Variants in FAM163A observed in about 807,000 individuals in gnomAD.
FAM163A encodes protein FAM163A.
In FAM163A, 7 loss-of-function variants were observed where a neutral mutation model predicts 12.0. The observed-to-expected ratio is 0.58, with a 90% CI of 0.33 to 1.10. The LOEUF (loss-of-function observed/expected upper bound fraction) is 1.10, where lower values mean the gene tolerates loss of function less well. Ranked by LOEUF, FAM163A falls within the 50% of genes least tolerant of loss-of-function variation. The pLI, the probability that FAM163A is intolerant of heterozygous loss-of-function variation, is 0.03. For synonymous variants in FAM163A, 101 were observed against 91.0 expected (o/e 1.11, Z -0.62); for missense variants, 202 against 218.6 (o/e 0.92, Z 0.48).
intron 2 of FAM163A, among the ~76,000 whole-genome samples, chr1:179,811,250 A>AT (rs1333243968): frequency 1.3e-5 from 2 of 152,184 alleles, no homozygotes; most frequent in Admixed American, 6.5e-5. Flanking sequence ...GCCCAGGGGT[A>AT]TGAAGGAAGG....
chr1:179,752,184 A>G (rs1202097313), intron 1 of FAM163A, among the ~76,000 whole-genome samples: 1 of 152,210 alleles, frequency 6.6e-6, no homozygotes, highest in Non-Finnish European at 1.5e-5. Context: ...AGTGCCAAGA[A>G]TACGCAAAGT....
chr1:179,797,116 T>G (rs548084899), intron 1 of FAM163A, among the ~76,000 whole-genome samples: 1 of 152,218 alleles, frequency 6.6e-6, no homozygotes, highest in Non-Finnish European at 1.5e-5. Context: ...GTCGCAGGAC[T>G]GCCCCCTGCA....
chr1:179,754,162 A>G (rs1685686671), intron 1 of FAM163A, among the ~76,000 whole-genome samples: 2 of 152,024 alleles, frequency 1.3e-5, no homozygotes, highest in South Asian at 4.2e-4. Flanking sequence ...AAGCCTTTCC[A>G]TGACTCAGTG....
intron 1 of FAM163A, among the ~76,000 whole-genome samples, chr1:179,743,919 C>T (rs1173410694): frequency 6.6e-6 from 1 of 152,140 alleles, no homozygotes; most frequent in East Asian, 1.9e-4. Context: ...AGCATGAGGC[C>T]GGGGCAGGGG....
At chr1:179,764,724 G>A (rs11576216) in intron 1 of FAM163A, among the ~76,000 whole-genome samples, 4,080 of 152,216 alleles carry the variant, frequency 0.027, 81 homozygotes, top group African/African-American at 0.057. Context: ...TCACATGTTC[G>A]TTAAGAGCAT....
chr1:179,762,036 C>T (rs6677608), intron 1 of FAM163A, among the ~76,000 whole-genome samples: 1 of 152,170 alleles, frequency 6.6e-6, no homozygotes, highest in Non-Finnish European at 1.5e-5. Context: ...TGAAAGGGTG[C>T]TGCTTAACGG....
intron 4 of FAM163A, 46 bp from the exon 5 acceptor site, chr1:179,813,733 G>T: frequency 6.2e-7 from 1 of 1,607,866 alleles, no homozygotes. Flanking sequence ...GCATGGGGCG[G>T]GGGGAGCATT....
chr1:179,797,385 T>C (rs994116067), intron 1 of FAM163A, among the ~76,000 whole-genome samples: 3 of 151,968 alleles, frequency 2.0e-5, no homozygotes, highest in African/African-American at 7.3e-5. Context: ...GAGGCAGAGG[T>C]TGCAGTGAGC....
At chr1:179,730,250 G>A in the FAM163A span, 1 of 152,368 alleles carries the variant, frequency 6.6e-6, no homozygotes, top group East Asian at 1.9e-4. Context: ...TAAAACAGCA[G>A]AAGATGAAGG....
At chr1:179,762,735 A>G (rs990928719) in intron 1 of FAM163A, among the ~76,000 whole-genome samples, 3 of 152,222 alleles carry the variant, frequency 2.0e-5, no homozygotes, top group African/African-American at 7.2e-5. Context: ...GCTGTGCAAG[A>G]AAAGGCTTGA....
chr1:179,759,114 C>T (rs1042941613), intron 1 of FAM163A, among the ~76,000 whole-genome samples: 20 of 152,060 alleles, frequency 1.3e-4, no homozygotes, highest in African/African-American at 4.6e-4. Context: ...ATCTTGTCAC[C>T]GTTGACATTT....
chr1:179,752,639 T>A (rs1433895919), intron 1 of FAM163A, among the ~76,000 whole-genome samples: 1 of 152,150 alleles, frequency 6.6e-6, no homozygotes, highest in Non-Finnish European at 1.5e-5. Context: ...GGCTAAAGAC[T>A]TTGATAGATA....
At chr1:179,782,473 G>A (rs111242404) in intron 1 of FAM163A, among the ~76,000 whole-genome samples, 5 of 151,950 alleles carry the variant, frequency 3.3e-5, no homozygotes, top group East Asian at 1.9e-4. Context: ...GGGAAAGCTT[G>A]TGCAAGCAGG....
chr1:179,740,326 G>T (rs1008856622), upstream of FAM163A, among the ~76,000 whole-genome samples: 1 of 152,172 alleles, frequency 6.6e-6, no homozygotes, highest in African/African-American at 2.4e-5. Flanking sequence ...CTTCAGGTGT[G>T]TGCAGCCACA....
chr1:179,746,846 G>A (rs1684538690), intron 1 of FAM163A, among the ~76,000 whole-genome samples: 1 of 152,126 alleles, frequency 6.6e-6, no homozygotes, highest in South Asian at 2.1e-4. Context: ...ATAGTATCTG[G>A]GCCATCCAGT....
chr1:179,780,011 G>T (rs1689502755), intron 1 of FAM163A, among the ~76,000 whole-genome samples: 1 of 152,200 alleles, frequency 6.6e-6, no homozygotes, highest in African/African-American at 2.4e-5. Flanking sequence ...AAGATTGCAT[G>T]CTCTGAAGAA....
intron 1 of FAM163A, among the ~76,000 whole-genome samples, chr1:179,770,456 G>A (rs907897541): frequency 3.9e-5 from 6 of 152,098 alleles, no homozygotes; most frequent in Non-Finnish European, 8.8e-5. Flanking sequence ...AAACAAGAAA[G>A]CCTTCCCATT....
intron 1 of FAM163A, among the ~76,000 whole-genome samples, chr1:179,799,139 C>A (rs867137489): frequency 3.3e-5 from 5 of 149,470 alleles, no homozygotes; most frequent in African/African-American, 2.6e-5. Context: ...TGTTTCACTG[C>A]TGAAAGAAGT....
chr1:179,736,729 G>A, the FAM163A span, among the ~76,000 whole-genome samples: 1 of 151,950 alleles, frequency 6.6e-6, no homozygotes, highest in African/African-American at 2.4e-5. Flanking sequence ...AGAATCACTT[G>A]AACCCAGGAG....
Sources: gnomAD v4.1 joint callset for allele counts (sites outside exome capture counted in the v4.1 genomes callset) on GRCh38, gnomAD v4.1.1 for gene constraint, MANE v1.5 for transcripts, NCBI Gene and HGNC (gene_info 2026-07-23, HGNC 2026-07-21) for gene names.